RABL6: variants seen among roughly 807,000 people sequenced by gnomAD.
The protein encoded by RABL6 is rab-like protein 6.
RABL6 carries 28 observed loss-of-function variants against 72.9 expected under a neutral mutation model. The ratio of observed to expected loss-of-function variants is 0.38; its 90% confidence interval spans 0.28 to 0.53. The LOEUF (loss-of-function observed/expected upper bound fraction) is 0.53, where lower values mean the gene tolerates loss of function less well. Among genes scored for constraint, RABL6 ranks in the 20% least tolerant of loss-of-function variants. The pLI, the probability that RABL6 is intolerant of heterozygous loss-of-function variation, is 0.80. For missense variants in RABL6, 1,029 were observed against 1,008.4 expected, an observed-to-expected ratio of 1.02 and a Z score of -0.28; for synonymous variants, 477 against 421.2, an observed-to-expected ratio of 1.13 and a Z score of -1.62.
chr9:136,832,652 G>A (rs973198231), intron 7 of RABL6: 12 of 466,362 alleles, frequency 2.6e-5, no homozygotes, highest in African/African-American at 2.4e-4. Context: ...TGTTTGTTGA[G>A]ATAAGGTCTT....
Position 136,840,071 on chromosome 9 carries a change from G to A in RABL6, c.1931-83G>A, listed in dbSNP as rs889771874. On this transcript the variant is annotated intron_variant, in intron 13 of 14. Coordinates refer to ENST00000311502, the MANE Select transcript of RABL6 (RefSeq NM_024718.5). ...CTGGAGGGCTGGGGCTCGCTGCTTTGTGAGTTTCTAGAGAAGTCCTGTCAC... is the reference window on the plus strand; with the variant it reads ...CTGGAGGGCTGGGGCTCGCTGCTTTATGAGTTTCTAGAGAAGTCCTGTCAC... 14 of 1,588,670 alleles carry A rather than the reference G, an allele frequency of 8.8e-6. No individual in the cohort carries two copies. In the Admixed American group the frequency reaches 1.7e-4, roughly 19 times the overall value.
At chr9:136,822,881 G>T (rs1024891893) in intron 1 of RABL6, among the ~76,000 whole-genome samples, 2 of 152,196 alleles carry the variant, frequency 1.3e-5, no homozygotes, top group African/African-American at 4.8e-5. Flanking sequence ...GAGGTCAGGA[G>T]ATCGAGACCA....
chr9:136,829,157 G>A (rs1251884572), intron 4 of RABL6, among the ~76,000 whole-genome samples: 1 of 152,252 alleles, frequency 6.6e-6, no homozygotes, highest in Non-Finnish European at 1.5e-5. Context: ...GTGATCAGTG[G>A]GAGGTCCTGG....
At chr9:136,832,507 C>G (rs1848498716) in intron 7 of RABL6, 137 bp downstream of exon 7, 2 of 790,496 alleles carry the variant, frequency 2.5e-6, no homozygotes, top group African/African-American at 1.7e-5. Context: ...CTGGCAAGGG[C>G]CCAGCGTTCT....
At chr9:136,828,742 C>T (rs1475668237) in intron 4 of RABL6, among the ~76,000 whole-genome samples, 196 bp downstream of exon 4, 2 of 152,200 alleles carry the variant, frequency 1.3e-5, no homozygotes, top group Non-Finnish European at 2.9e-5. Flanking sequence ...CACCTGCACT[C>T]GACAGACATC....
intron 1 of RABL6, chr9:136,821,653 T>G (rs1848240318): frequency 1.0e-6 from 1 of 989,312 alleles, no homozygotes; most frequent in Non-Finnish European, 1.2e-6. Flanking sequence ...GCGGCCCGTC[T>G]CGGGCCTCCC....
chr9:136,819,009 G>A (rs922450043), intron 1 of RABL6, among the ~76,000 whole-genome samples: 1 of 152,106 alleles, frequency 6.6e-6, no homozygotes, highest in African/African-American at 2.4e-5. Context: ...ATACCAGGTA[G>A]AAAGAATACT....
Position 136,840,384 on chromosome 9 carries a change from C to T in RABL6, c.2052C>T (p.Gly684=), listed in dbSNP as rs1396253846. ...AGAAGAGCAAGGACAAGGAGGAGGGCAAGGAGGAGCGGCGACGGCGGCAGC... is the reference window on the plus strand; with the variant it reads ...AGAAGAGCAAGGACAAGGAGGAGGGTAAGGAGGAGCGGCGACGGCGGCAGC... ...KHKKSKDKEE[G]KEERRRRQQR... The change falls in exon 15 of 15, where the codon GGC becomes GGT. Residue 684 remains glycine, a synonymous_variant. Coordinates refer to ENST00000311502, the MANE Select transcript of RABL6 (RefSeq NM_024718.5). 1.7e-5 allele frequency: 26 copies of T among 1,553,428 alleles called. No individual in the cohort carries two copies. The highest frequency in any genetic ancestry group is 2.7e-5 in the African/African-American group (2 of 73,084).
At chr9:136,824,975 C>A (rs370447236) in intron 2 of RABL6, among the ~76,000 whole-genome samples, 2 of 152,166 alleles carry the variant, frequency 1.3e-5, no homozygotes, top group African/African-American at 4.8e-5. Flanking sequence ...GTGTGAGGGC[C>A]CCGGGCGTGC....
Position 136,808,455 on chromosome 9 carries a change from G to A in RABL6, c.130+129G>A, listed in dbSNP as rs1042250516. 121 of 1,084,436 alleles carry A rather than the reference G, an allele frequency of 1.1e-4. No individual in the cohort carries two copies. In the African/African-American group the frequency reaches 1.9e-3, roughly 17 times the overall value. The allele number at this position is 1,084,436 out of a possible 1,614,324, so 67.2% of individuals were successfully genotyped here. A position where few individuals can be genotyped will look rare whatever the true frequency, so the allele number is the denominator to read the frequency against. On this transcript the variant is annotated intron_variant, in intron 1 of 14. Transcript: ENST00000311502. ...TTGTGGGGTGCGCTGGGCCCGCCGG[G>A]CGCTCCGGGAGCGGGGGCGCGGGCC...
In RABL6 at chr9:136,839,868, G is replaced by T; in HGVS notation, c.1930+3G>T. On this transcript the variant is annotated splice_donor_region_variant and intron_variant, in intron 13 of 14. Coordinates refer to ENST00000311502, the MANE Select transcript of RABL6 (RefSeq NM_024718.5). ...ACCCAAGGAGAGCAGTGAGGAAGGTGGGTGGGGGCACCAGAGTGCGGTCAG... is the reference window on the plus strand; with the variant it reads ...ACCCAAGGAGAGCAGTGAGGAAGGTTGGTGGGGGCACCAGAGTGCGGTCAG... 1 of 1,610,876 alleles carries T rather than the reference G, an allele frequency of 6.2e-7. No individual in the cohort carries two copies. Among genetic ancestry groups the T allele is most frequent in the Non-Finnish European group, 8.5e-7 (1 of 1,179,102 alleles).
At position 136,830,133 on chromosome 9, in the gene RABL6, G is replaced by A. The variant is rs115932429; in HGVS notation, c.458+649G>A. On this transcript the variant is annotated intron_variant, in intron 5 of 14. Coordinates refer to ENST00000311502, the MANE Select transcript of RABL6 (RefSeq NM_024718.5). ...CCCCTCCTAGCCACAGCCAGTGCCC[G>A]GAGCACCAGGAGCAGCATGCCCGAC... 2.8e-3 allele frequency among the ~76,000 whole-genome samples: 434 copies of A among 152,372 alleles called. 3 individuals carry two copies. Among genetic ancestry groups the A allele is most frequent in the African/African-American group, 9.9e-3 (412 of 41,590 alleles).
At chr9:136,833,651 G>A (rs889673162) in intron 7 of RABL6, 1 of 1,542,390 alleles carries the variant, frequency 6.5e-7, no homozygotes, top group Non-Finnish European at 8.8e-7. Flanking sequence ...CCTCGCCCTG[G>A]GCTGCCCCGA....
At chr9:136,818,362 C>CAAAAAAAAAAAAAAAA (rs1564360781) in intron 1 of RABL6, among the ~76,000 whole-genome samples, 1 of 15,020 alleles carries the variant, frequency 6.7e-5, no homozygotes, top group African/African-American at 2.3e-4. Flanking sequence ...GACTCTGTCT[C>CAAAAAAAAAAAAAAAA]AAAAAAAAAA....
chr9:136,816,579 G>T (rs1407621441), intron 1 of RABL6, among the ~76,000 whole-genome samples: 1 of 152,010 alleles, frequency 6.6e-6, no homozygotes, highest in Admixed American at 6.5e-5. Context: ...AGCTGGGTGT[G>T]ATGGGCACAT....
chr9:136,817,208 G>A (rs1848137795), intron 1 of RABL6, among the ~76,000 whole-genome samples: 1 of 152,162 alleles, frequency 6.6e-6, no homozygotes, highest in African/African-American at 2.4e-5. Context: ...GGGAAGAGAT[G>A]TGCGGCCCAG....
intron 1 of RABL6, among the ~76,000 whole-genome samples, chr9:136,816,260 A>G (rs1482902357): frequency 6.6e-6 from 1 of 152,058 alleles, no homozygotes; most frequent in Non-Finnish European, 1.5e-5. Context: ...GCACGCCACC[A>G]TGCCTGGCTG....
At chr9:136,820,276 G>T (rs1002926061) in intron 1 of RABL6, among the ~76,000 whole-genome samples, 2 of 152,000 alleles carry the variant, frequency 1.3e-5, no homozygotes, top group Non-Finnish European at 2.9e-5. Context: ...AAGGTGGGAG[G>T]ATCACTTGAG....
Position 136,823,670 on chromosome 9 carries a change from T to C in RABL6, c.265+11T>C, listed in dbSNP as rs1217444832. On this transcript the variant is annotated intron_variant, in intron 2 of 14. Coordinates refer to ENST00000311502, the MANE Select transcript of RABL6 (RefSeq NM_024718.5). Reference sequence around the variant, plus strand: ...ACTGGAGCTACAAGAGTAAGTGTGGTGGGTGCCCCAGTGGGTTCGGGCTCC... The same window carrying C: ...ACTGGAGCTACAAGAGTAAGTGTGGCGGGTGCCCCAGTGGGTTCGGGCTCC... 47 of 1,601,284 alleles carry C rather than the reference T, an allele frequency of 2.9e-5. No individual in the cohort carries two copies. Among genetic ancestry groups the C allele is most frequent in the African/African-American group, 4.0e-5 (3 of 74,676 alleles).
Sources: gnomAD v4.1 joint callset for allele counts (sites outside exome capture counted in the v4.1 genomes callset) on GRCh38, gnomAD v4.1.1 for gene constraint, MANE v1.5 for transcripts, NCBI Gene and HGNC (gene_info 2026-07-23, HGNC 2026-07-21) for gene names.